The following KANK1 variants were observed in gnomAD, a reference collection of about 807,000 sequenced individuals.
The protein encoded by KANK1 is KN motif and ankyrin repeat domains 1.
A neutral mutation model predicts 106.2 loss-of-function variants in KANK1; 109 were observed. The observed-to-expected ratio is 1.03, with a 90% CI of 0.88 to 1.20. KANK1 has a LOEUF of 1.20. Ranked by LOEUF, KANK1 falls within the 50% of genes most tolerant of loss-of-function variation. The pLI is 0.00. For missense variants in KANK1, 2,399 were observed against 1,710.7 expected, an observed-to-expected ratio of 1.40 and a Z score of -7.10; for synonymous variants, 873 against 652.2, an observed-to-expected ratio of 1.34 and a Z score of -5.16.
chr9:670,811 A>T (rs1845703504), intron 1 of KANK1, among the ~76,000 whole-genome samples: 1 of 152,236 alleles, frequency 6.6e-6, no homozygotes, highest in Non-Finnish European at 1.5e-5. Flanking sequence ...ATGGTAGGCA[A>T]GTTGTGTGTC....
chr9:567,449 A>G (rs1818078265), intron 1 of KANK1, among the ~76,000 whole-genome samples: 1 of 152,260 alleles, frequency 6.6e-6, no homozygotes, highest in South Asian at 2.1e-4. Context: ...ACTATAAACT[A>G]AATTTTCCCC....
At chr9:618,364 C>T (rs1413566809) in intron 1 of KANK1, among the ~76,000 whole-genome samples, 1 of 152,034 alleles carries the variant, frequency 6.6e-6, no homozygotes, top group Non-Finnish European at 1.5e-5. Flanking sequence ...CACGCCACCA[C>T]ACCCAGTTAA....
intron 2 of KANK1, among the ~76,000 whole-genome samples, chr9:697,770 T>A (rs1454305190): frequency 2.6e-5 from 4 of 152,212 alleles, no homozygotes; most frequent in Non-Finnish European, 5.9e-5. Context: ...GCTCAAATTA[T>A]CCTAGATTTG....
At chr9:735,703 C>G (rs778651043) in intron 7 of KANK1, 34 of 429,850 alleles carry the variant, frequency 7.9e-5, no homozygotes, top group Non-Finnish European at 1.7e-4. Flanking sequence ...ATCATAATAC[C>G]TAATACAGGG....
At chr9:525,361 G>A (rs1456624479) in intron 1 of KANK1, among the ~76,000 whole-genome samples, 1 of 150,568 alleles carries the variant, frequency 6.6e-6, no homozygotes, top group African/African-American at 2.5e-5. Context: ...GTGTGTGTGT[G>A]TGTGTGTGTG....
At chr9:553,136 A>C (rs1457015740) in intron 1 of KANK1, among the ~76,000 whole-genome samples, 25 of 152,182 alleles carry the variant, frequency 1.6e-4, no homozygotes, top group Admixed American at 1.6e-3. Flanking sequence ...ACAGACAGCG[A>C]GACCCTGTCT....
At chr9:718,099 T>G (rs887685530) in intron 3 of KANK1, among the ~76,000 whole-genome samples, 10 of 152,190 alleles carry the variant, frequency 6.6e-5, no homozygotes, top group African/African-American at 2.4e-4. Context: ...AGTTTTCTCC[T>G]CGTTCAAATA....
intron 1 of KANK1, among the ~76,000 whole-genome samples, chr9:572,839 A>G (rs1430034421): frequency 6.6e-6 from 1 of 152,294 alleles, no homozygotes; most frequent in East Asian, 1.9e-4. Flanking sequence ...CCATCTTTAT[A>G]TTAAAAATTT....
chr9:600,495 G>A (rs1022248451), intron 1 of KANK1, among the ~76,000 whole-genome samples: 1 of 151,818 alleles, frequency 6.6e-6, no homozygotes, highest in East Asian at 1.9e-4. Flanking sequence ...GGTAACATAC[G>A]TAATAATCTA....
rs138599856 is a variant in KANK1 at position 712,444 on chromosome 9, G to A, written c.1678G>A (p.Val560Ile). The A allele has an allele frequency of 4.0e-5, 64 of 1,614,054 alleles. No homozygotes were observed. In the Admixed American group the frequency reaches 4.3e-4, roughly 11 times the overall value. Reference protein sequence around the residue: ...SCQPECKNKVVGPELPMNWWI... With the variant: ...SCQPECKNKVIGPELPMNWWI... Reference sequence around the variant, plus strand: ...CCAGCCTGAATGTAAGAATAAAGTCGTAGGGCCTGAGCTGCCTATGAATTG... The same window carrying A: ...CCAGCCTGAATGTAAGAATAAAGTCATAGGGCCTGAGCTGCCTATGAATTG... The change falls in exon 3 of 12, where the codon GTA becomes ATA. Residue 560 changes from valine (V) to isoleucine (I), a missense_variant. Coordinates refer to ENST00000382297, the MANE Select transcript of KANK1 (RefSeq NM_015158.5).
At chr9:676,302 A>C (rs1306411147) in intron 1 of KANK1, among the ~76,000 whole-genome samples, 1 of 152,160 alleles carries the variant, frequency 6.6e-6, no homozygotes, top group African/African-American at 2.4e-5. Context: ...TTTGAAGTTT[A>C]TCCAACGGCA....
intron 1 of KANK1, among the ~76,000 whole-genome samples, chr9:520,060 G>A (rs561152445): frequency 6.6e-6 from 1 of 151,716 alleles, no homozygotes; most frequent in Non-Finnish European, 1.5e-5. Flanking sequence ...GACCATAGCC[G>A]GGTGCGGTGG....
chr9:693,024 T>A (rs1323260), intron 2 of KANK1, among the ~76,000 whole-genome samples: 1 of 151,336 alleles, frequency 6.6e-6, no homozygotes, highest in East Asian at 1.9e-4. Flanking sequence ...TTTTTTTTTT[T>A]AGGTAATGAA....
chr9:711,641 C>G lies in KANK1; in HGVS notation c.875C>G (p.Ser292Cys). 1 of 1,614,140 alleles carries G rather than the reference C, an allele frequency of 6.2e-7. No individual in the cohort carries two copies. The highest frequency in any genetic ancestry group is 8.5e-7 in the Non-Finnish European group (1 of 1,180,010). ...RTIPVLQVKI[S>C]VLQEEKRQLV... Reference sequence around the variant, plus strand: ...ATCCCTGTGCTCCAGGTAAAGATCTCTGTCTTGCAAGAAGAGAAAAGGCAG... The same window carrying G: ...ATCCCTGTGCTCCAGGTAAAGATCTGTGTCTTGCAAGAAGAGAAAAGGCAG... Residue 292 changes from serine to cysteine, a missense_variant, in exon 3 of 12, where the codon TCT (serine) becomes TGT (cysteine). By Grantham distance (112) the Ser-to-Cys change is moderately radical (BLOSUM62 -1). Transcript: ENST00000382297.
chr9:667,196 T>C (rs1365542353), intron 1 of KANK1, among the ~76,000 whole-genome samples: 1 of 152,092 alleles, frequency 6.6e-6, no homozygotes, highest in East Asian at 1.9e-4. Flanking sequence ...CAGGAATGTA[T>C]CTTTGTCTTC....
At chr9:514,078 C>T (rs1052947979) in intron 1 of KANK1, among the ~76,000 whole-genome samples, 2 of 150,126 alleles carry the variant, frequency 1.3e-5, no homozygotes, top group Admixed American at 1.3e-4. Flanking sequence ...TGTCCTCCTC[C>T]TCTCCTTCCC....
chr9:672,403 T>C, intron 1 of KANK1, among the ~76,000 whole-genome samples: 1 of 152,224 alleles, frequency 6.6e-6, no homozygotes, highest in Non-Finnish European at 1.5e-5. Context: ...TGTCTTATAA[T>C]GAATGTAATT....
intron 1 of KANK1, among the ~76,000 whole-genome samples, chr9:554,640 G>T (rs576939679): frequency 3.3e-5 from 5 of 152,220 alleles, no homozygotes; most frequent in East Asian, 1.9e-4. Flanking sequence ...AGAAAAATCG[G>T]ATTCATCAAA....
Position 680,921 on chromosome 9 carries a change from A to G in KANK1, c.37+3912A>G, listed in dbSNP as rs563440680. 300 of 152,302 alleles carry G rather than the reference A, an allele frequency of 2.0e-3. 2 individuals carry two copies. The highest frequency in any genetic ancestry group is 3.2e-3 in the Non-Finnish European group (216 of 68,080). The allele number at this position is 152,302 out of a possible 1,614,324, so 9.4% of individuals were successfully genotyped here. On this transcript the variant is annotated intron_variant, in intron 2 of 11. Coordinates refer to ENST00000382297, the MANE Select transcript of KANK1 (RefSeq NM_015158.5). Reference sequence around the variant, plus strand: ...GGTACAGTACTGTTTTCATTAATTCAAAACATTTTAGGCCAGATGGGGTGG... The same window carrying G: ...GGTACAGTACTGTTTTCATTAATTCGAAACATTTTAGGCCAGATGGGGTGG...
Sources: allele counts gnomAD v4.1 joint callset (sites outside exome capture counted in the v4.1 genomes callset), GRCh38; gene constraint gnomAD v4.1.1; transcripts MANE v1.5; gene names NCBI Gene and HGNC (gene_info 2026-07-23, HGNC 2026-07-21).